Variants in MIA2 observed in about 807,000 individuals in gnomAD.
The protein encoded by MIA2 is melanoma inhibitory activity protein 2.
In MIA2, 127 loss-of-function variants were observed where a neutral mutation model predicts 167.8. That is an observed-to-expected ratio of 0.76 (90% CI 0.66 to 0.88). The LOEUF is 0.88. MIA2 is among the 40% of genes least tolerant of loss of function. The pLI, the probability that MIA2 is intolerant of heterozygous loss-of-function variation, is 0.00. For synonymous variants in MIA2, 552 were observed against 541.9 expected (o/e 1.02, Z -0.26); for missense variants, 1,690 against 1,624.7 (o/e 1.04, Z -0.69).
intron 27 of MIA2, among the ~76,000 whole-genome samples, chr14:39,348,184 A>G (rs2073836442): frequency 6.6e-6 from 1 of 152,110 alleles, no homozygotes; most frequent in Admixed American, 6.6e-5. Context: ...CTAATAATCT[A>G]GGTTTTGATA....
intron 3 of MIA2, among the ~76,000 whole-genome samples, chr14:39,241,597 G>A (rs915279596): frequency 4.6e-5 from 7 of 152,164 alleles, no homozygotes; most frequent in Non-Finnish European, 1.0e-4. Context: ...TGGGACTACA[G>A]GTGTGCCAAC....
At position 39,277,005 on chromosome 14, in the gene MIA2, A is replaced by G. The variant is rs1260501921; in HGVS notation, c.1959A>G (p.Ile653Met). ...NLYGFPWELV[I>M]CAAVVGFFAV... The stretch of plus-strand genomic sequence containing the variant: ...ATGGTTTTCCATGGGAATTGGTGAT[A>G]TGTGCAGCTGTTGTTGGATTTTTTG... Residue 653 changes from isoleucine to methionine, a missense_variant, in exon 7 of 29, where the codon ATA (isoleucine) becomes ATG (methionine). Coordinates refer to ENST00000640607, the MANE Select transcript of MIA2 (RefSeq NM_001329214.4). The G allele has an allele frequency of 6.2e-7, 1 of 1,613,848 alleles. No homozygotes were observed. The highest frequency in any genetic ancestry group is 1.7e-5 in the Admixed American group (1 of 59,998).
At chr14:39,280,189 A>G (rs990379026) in intron 9 of MIA2, among the ~76,000 whole-genome samples, 2 of 152,020 alleles carry the variant, frequency 1.3e-5, no homozygotes, top group Admixed American at 1.3e-4. Context: ...GTTTCTGTTA[A>G]ATCTTCTATT....
intron 3 of MIA2, among the ~76,000 whole-genome samples, chr14:39,243,005 C>T (rs1419185197): frequency 6.6e-6 from 1 of 151,808 alleles, no homozygotes; most frequent in East Asian, 1.9e-4. Flanking sequence ...CGCCTGTAAT[C>T]CCAGCTACTT....
intron 6 of MIA2, among the ~76,000 whole-genome samples, chr14:39,255,062 A>G (rs932108994): frequency 6.6e-6 from 1 of 152,216 alleles, no homozygotes; most frequent in Non-Finnish European, 1.5e-5. Context: ...TTAATAGCAT[A>G]CATCATTTTG....
At chr14:39,266,999 T>G in intron 6 of MIA2, 1 of 870,372 alleles carries the variant, frequency 1.1e-6, no homozygotes, top group Non-Finnish European at 1.4e-6. Context: ...CATCCTCTAG[T>G]CCCAAGCCTC....
chr14:39,326,224 G>A (rs2067523372), intron 24 of MIA2, among the ~76,000 whole-genome samples: 1 of 152,182 alleles, frequency 6.6e-6, no homozygotes, highest in Admixed American at 6.5e-5. Context: ...TCTTTTGAAT[G>A]TGAATTTGAT....
At chr14:39,261,400 T>G (rs2055106750) in intron 6 of MIA2, among the ~76,000 whole-genome samples, 1 of 152,172 alleles carries the variant, frequency 6.6e-6, no homozygotes, top group Non-Finnish European at 1.5e-5. Flanking sequence ...TGTTGGACAT[T>G]TGGGTTGGTT....
chr14:39,382,019 C>G (rs927383238), intron 23 of MIA2, among the ~76,000 whole-genome samples: 2 of 152,104 alleles, frequency 1.3e-5, no homozygotes, highest in Non-Finnish European at 2.9e-5. Context: ...GGGGTCCAGG[C>G]TAAAGACTGT....
At chr14:39,319,341 T>C (rs2066007623) in intron 23 of MIA2, 50 bp downstream of exon 23, 2 of 887,510 alleles carry the variant, frequency 2.3e-6, no homozygotes, top group Non-Finnish European at 3.3e-6. Context: ...TTTACATATA[T>C]ATATATATTG....
In MIA2 at chr14:39,268,956, C is replaced by G. The variant is rs1332203800; in HGVS notation, c.1888-7978C>G. On this transcript the variant is annotated intron_variant, in intron 6 of 28. Coordinates refer to ENST00000640607, the MANE Select transcript of MIA2 (RefSeq NM_001329214.4). ...TTTCTTCACTAAAAACAATAATAAT[C>G]AAGATTTAGTTTTTATAGGACTGCC... is the stretch of plus-strand genomic sequence containing the variant. The G allele has an allele frequency of 4.3e-6, 4 of 937,796 alleles. No individual in the cohort carries two copies. In the African/African-American group the frequency reaches 7.1e-5, roughly 17 times the overall value. 58.1% of individuals were successfully genotyped at this position (937,796 alleles called of 1,614,324 possible).
At chr14:39,305,797 G>A (rs1468477922) in intron 17 of MIA2, among the ~76,000 whole-genome samples, 1 of 152,076 alleles carries the variant, frequency 6.6e-6, no homozygotes, top group Non-Finnish European at 1.5e-5. Context: ...TTAGTCGGGC[G>A]TGGTGGCACA....
intron 23 of MIA2, among the ~76,000 whole-genome samples, chr14:39,364,600 T>A (rs953779251): frequency 3.9e-5 from 6 of 152,166 alleles, no homozygotes; most frequent in African/African-American, 1.4e-4. Context: ...TTCTTGTAGG[T>A]CTGTTCTAGT....
chr14:39,299,068 TAAAAAAAAAAAAAAA>T (rs3065043), intron 13 of MIA2, among the ~76,000 whole-genome samples: 44 of 44,030 alleles, frequency 1.0e-3, no homozygotes, highest in African/African-American at 2.5e-3. Flanking sequence ...TCCCTGCCTC[TAAAAAAAAAAAAAAA>T]AAAAAAAAAA....
At chr14:39,345,086 T>C (rs2072937142) in intron 25 of MIA2, among the ~76,000 whole-genome samples, 1 of 152,092 alleles carries the variant, frequency 6.6e-6, no homozygotes, top group African/African-American at 2.4e-5. Context: ...ATTTATTTAT[T>C]TATTTATTTT....
intron 23 of MIA2, chr14:39,385,991 G>A (rs1241458464): frequency 9.4e-6 from 8 of 854,442 alleles, no homozygotes; most frequent in East Asian, 4.8e-5. Flanking sequence ...GAGCAAGAAC[G>A]CCTCCATCCA....
Position 39,234,108 on chromosome 14 carries a change from T to C in MIA2, c.-7T>C. On this transcript the variant is annotated 5_prime_UTR_variant, in exon 1 of 29. Transcript: ENST00000640607. ...TTCACTTGGGATTCCCGGTTGCTTGTTTTAGCATGGCAAAATTTGGCGTTC... is the reference window on the plus strand; with the variant it reads ...TTCACTTGGGATTCCCGGTTGCTTGCTTTAGCATGGCAAAATTTGGCGTTC... 2 of 1,592,786 alleles carry C rather than the reference T, an allele frequency of 1.3e-6. No individual in the cohort carries two copies. The highest frequency in any genetic ancestry group is 1.1e-5 in the South Asian group (1 of 88,616).
At chr14:39,358,119 G>A (rs2074578024) in intron 23 of MIA2, among the ~76,000 whole-genome samples, 1 of 152,180 alleles carries the variant, frequency 6.6e-6, no homozygotes, top group African/African-American at 2.4e-5. Context: ...GACTGGGGAA[G>A]TTCTCCTGGA....
At chr14:39,361,858 G>C (rs551461044) in intron 23 of MIA2, among the ~76,000 whole-genome samples, 3 of 152,298 alleles carry the variant, frequency 2.0e-5, no homozygotes, top group African/African-American at 7.2e-5. Flanking sequence ...TAGCCTTTAT[G>C]ATGTTGAAGA....
Sources: allele counts gnomAD v4.1 joint callset (sites outside exome capture counted in the v4.1 genomes callset), GRCh38; gene constraint gnomAD v4.1.1; transcripts MANE v1.5; gene names NCBI Gene and HGNC (gene_info 2026-07-23, HGNC 2026-07-21).